The following TM2D1 variants were observed in gnomAD, a reference collection of about 807,000 sequenced individuals.
TM2D1 encodes the protein TM2 domain-containing protein 1.
Under a neutral mutation model 28.4 loss-of-function variants are expected in TM2D1, and 15 were observed. The observed-to-expected ratio is 0.53, with a 90% CI of 0.35 to 0.81. The LOEUF (loss-of-function observed/expected upper bound fraction) is 0.81, where lower values mean the gene tolerates loss of function less well. Among genes scored for constraint, TM2D1 ranks in the 40% least tolerant of loss-of-function variants. The pLI, the probability that TM2D1 is intolerant of heterozygous loss-of-function variation, is 0.01. For missense variants in TM2D1, 236 were observed against 254.9 expected (o/e 0.93, Z 0.50); for synonymous variants, 93 against 96.2 (o/e 0.97, Z 0.20).
intron 5 of TM2D1, among the ~76,000 whole-genome samples, chr1:61,691,932 A>T (rs868577634): frequency 1.6e-4 from 12 of 76,400 alleles, no homozygotes; most frequent in East Asian, 9.5e-4. Context: ...AAAAAAAAAA[A>T]ATATATATAT....
chr1:61,700,055 T>C (rs1343129730), intron 4 of TM2D1: 22 of 1,329,406 alleles, frequency 1.7e-5, no homozygotes, highest in Non-Finnish European at 2.0e-5. Context: ...AGGGCTAATA[T>C]AGAAGCAGAG....
intron 3 of TM2D1, among the ~76,000 whole-genome samples, chr1:61,708,092 G>C (rs1202459258): frequency 6.6e-6 from 1 of 151,910 alleles, no homozygotes; most frequent in Non-Finnish European, 1.5e-5. Context: ...TTAGAGACAG[G>C]GTCTCTACTC....
At chr1:61,707,314 C>T (rs1156609137) in intron 3 of TM2D1, among the ~76,000 whole-genome samples, 5 of 152,062 alleles carry the variant, frequency 3.3e-5, no homozygotes, top group African/African-American at 1.2e-4. Flanking sequence ...TTGTATGCAG[C>T]CTAATCCATT....
chr1:61,696,860 G>C (rs185643436), intron 4 of TM2D1, among the ~76,000 whole-genome samples: 29 of 152,116 alleles, frequency 1.9e-4, no homozygotes, highest in Admixed American at 1.9e-3. Context: ...CTGGGATAAA[G>C]TGATCTTCCT....
At chr1:61,697,802 A>C (rs1318774993) in intron 4 of TM2D1, 1 of 152,080 alleles carries the variant, frequency 6.6e-6, no homozygotes, top group Non-Finnish European at 1.5e-5. Context: ...TTAGTTCCTT[A>C]AACTTTTAAA....
intron 4 of TM2D1, among the ~76,000 whole-genome samples, chr1:61,696,992 T>C (rs1210167562): frequency 6.6e-6 from 1 of 151,976 alleles, no homozygotes; most frequent in Non-Finnish European, 1.5e-5. Flanking sequence ...GTAGCAGAAA[T>C]AGTGACAACA....
chr1:61,723,064 AAATGTTG>A (rs1469617976), intron 2 of TM2D1, among the ~76,000 whole-genome samples: 2 of 152,216 alleles, frequency 1.3e-5, no homozygotes, highest in Non-Finnish European at 2.9e-5. Flanking sequence ...CTCTGGAATA[AAATGTTG>A]AATCCACTTA....
At chr1:61,715,756 G>T (rs1367335347) in intron 2 of TM2D1, among the ~76,000 whole-genome samples, 2 of 151,486 alleles carry the variant, frequency 1.3e-5, no homozygotes, top group Admixed American at 6.6e-5. Flanking sequence ...GTTAGAAAAG[G>T]TATTCAAAAA....
chr1:61,715,416 G>C (rs909869328), intron 2 of TM2D1, among the ~76,000 whole-genome samples: 1 of 151,914 alleles, frequency 6.6e-6, no homozygotes, highest in Non-Finnish European at 1.5e-5. Flanking sequence ...TCTAATCCCA[G>C]CACTTTGGAT....
At chr1:61,709,294 T>C (rs1644460918) in intron 3 of TM2D1, 35 bp downstream of exon 3, 1 of 1,295,100 alleles carries the variant, frequency 7.7e-7, no homozygotes, top group Non-Finnish European at 1.1e-6. Flanking sequence ...TATAGGCAAG[T>C]AATCTGAAAA....
intron 2 of TM2D1, among the ~76,000 whole-genome samples, chr1:61,715,645 C>CAAAAAAAAAAAAAAAAA (rs759796747): frequency 6.1e-5 from 1 of 16,424 alleles, no homozygotes; most frequent in Non-Finnish European, 1.3e-4. Flanking sequence ...AAGACTGTCT[C>CAAAAAAAAAAAAAAAAA]AAAAAAAAAA....
intron 2 of TM2D1, among the ~76,000 whole-genome samples, chr1:61,709,741 T>G (rs939355672): frequency 6.6e-6 from 1 of 152,206 alleles, no homozygotes; most frequent in African/African-American, 2.4e-5. Context: ...TGCACAACAT[T>G]ACTGCCCTTT....
chr1:61,714,248 A>C (rs1557538051), intron 2 of TM2D1, among the ~76,000 whole-genome samples: 1 of 149,594 alleles, frequency 6.7e-6, no homozygotes, highest in Admixed American at 6.6e-5. Context: ...AATATTAAAA[A>C]CTAAAGAGCC....
chr1:61,701,556 C>CGT (rs60257971), intron 3 of TM2D1, among the ~76,000 whole-genome samples: 2,104 of 145,928 alleles, frequency 0.014, 30 homozygotes, highest in African/African-American at 0.04. Flanking sequence ...AATTCTCTTT[C>CGT]GTGTGTGTGT....
intron 3 of TM2D1, among the ~76,000 whole-genome samples, chr1:61,701,459 C>T (rs774874406): frequency 1.3e-5 from 2 of 151,758 alleles, no homozygotes; most frequent in Non-Finnish European, 2.9e-5. Context: ...CCATGCCATG[C>T]TTCTGAGGAA....
At chr1:61,697,810 A>C (rs1389813080) in intron 4 of TM2D1, 1 of 152,164 alleles carries the variant, frequency 6.6e-6, no homozygotes, top group Non-Finnish European at 1.5e-5. Flanking sequence ...TTAAACTTTT[A>C]AATATTATCT....
intron 5 of TM2D1, among the ~76,000 whole-genome samples, chr1:61,689,080 G>A (rs576380854): frequency 1.6e-4 from 24 of 152,176 alleles, no homozygotes; most frequent in Non-Finnish European, 3.2e-4. Context: ...ATATATTGTT[G>A]TCCTACATCT....
At chr1:61,718,083 C>T (rs187285922) in intron 2 of TM2D1, among the ~76,000 whole-genome samples, 13 of 152,138 alleles carry the variant, frequency 8.5e-5, no homozygotes, top group Admixed American at 8.5e-4. Flanking sequence ...TTTCGGAGGC[C>T]GAGGCAAGTG....
intron 5 of TM2D1, chr1:61,683,891 C>T (rs1323165089): frequency 5.9e-6 from 1 of 168,258 alleles, no homozygotes; most frequent in East Asian, 1.8e-4. Context: ...ATATTCCCAG[C>T]TCAGCAGCTC....
Sources: allele counts gnomAD v4.1 joint callset (sites outside exome capture counted in the v4.1 genomes callset), GRCh38; gene constraint gnomAD v4.1.1; transcripts MANE v1.5; gene names NCBI Gene and HGNC (gene_info 2026-07-23, HGNC 2026-07-21).